OSBPL2: variants seen among roughly 807,000 people sequenced by gnomAD.
The protein encoded by OSBPL2 is oxysterol-binding protein-related protein 2.
Under a neutral mutation model 58.4 loss-of-function variants are expected in OSBPL2, and 18 were observed. The ratio of observed to expected loss-of-function variants is 0.31; its 90% CI spans 0.21 to 0.46. The LOEUF is 0.46. Ranked by LOEUF, OSBPL2 falls within the 20% of genes least tolerant of loss-of-function variation. The pLI is 1.00. For missense variants in OSBPL2, 461 were observed against 616.5 expected (o/e 0.75, Z 2.67); for synonymous variants, 221 against 234.1 (o/e 0.94, Z 0.51).
chr20:62,243,930 C>A (rs1346268823), intron 1 of OSBPL2, among the ~76,000 whole-genome samples: 1 of 151,844 alleles, frequency 6.6e-6, no homozygotes, highest in Non-Finnish European at 1.5e-5. Flanking sequence ...TGAAGCCCTG[C>A]CTGTAGGTGC....
chr20:62,249,279 C>T (rs1368285447), intron 1 of OSBPL2, among the ~76,000 whole-genome samples: 2 of 152,162 alleles, frequency 1.3e-5, no homozygotes, highest in African/African-American at 4.8e-5. Context: ...CAGAGATGCC[C>T]AGCACAGACT....
chr20:62,250,969 A>G (rs1315959874), intron 1 of OSBPL2, among the ~76,000 whole-genome samples: 1 of 152,172 alleles, frequency 6.6e-6, no homozygotes, highest in Non-Finnish European at 1.5e-5. Flanking sequence ...AAAAGGGAGA[A>G]TAAAATGGTT....
chr20:62,252,843 G>A (rs183645743), intron 1 of OSBPL2, among the ~76,000 whole-genome samples: 1 of 152,256 alleles, frequency 6.6e-6, no homozygotes, highest in Admixed American at 6.5e-5. Flanking sequence ...TGAGAGAGAC[G>A]CCTTTAAAGA....
intron 4 of OSBPL2, chr20:62,271,814 G>T (rs1333919455): frequency 9.7e-6 from 3 of 310,090 alleles, no homozygotes; most frequent in South Asian, 5.0e-5. Context: ...GCGCAGGTGG[G>T]CCCAAGAGCC....
At chr20:62,238,860 C>CCGCGGCCCCCGCA (rs1430436514) in intron 1 of OSBPL2, 5 of 150,260 alleles carry the variant, frequency 3.3e-5, no homozygotes, top group Non-Finnish European at 5.9e-5. Flanking sequence ...GGCCTGGGTC[C>CCGCGGCCCCCGCA]CGCGGCCCCC....
At chr20:62,285,643 A>G (rs1983064106) in intron 10 of OSBPL2, 2 of 152,336 alleles carry the variant, frequency 1.3e-5, no homozygotes, top group African/African-American at 4.8e-5. Context: ...GAGAGGCGCC[A>G]TGTGTGTGAA....
Position 62,281,180 on chromosome 20 carries a change from C to T in OSBPL2, c.782+15C>T, listed in dbSNP as rs956505651. 1.1e-5 allele frequency: 17 copies of T among 1,578,896 alleles called. No individual in the cohort carries two copies. In the Admixed American group the frequency reaches 2.7e-4, roughly 25 times the overall value. On this transcript the variant is annotated intron_variant, in intron 8 of 13. Coordinates refer to ENST00000313733, the MANE Select transcript of OSBPL2 (RefSeq NM_144498.4). ...TTAAACCACAGGTGACAGCACCCCACCGTTGGGTGAGAGCGCGAGGCTCCG... is the reference window on the plus strand; with the variant it reads ...TTAAACCACAGGTGACAGCACCCCATCGTTGGGTGAGAGCGCGAGGCTCCG...
intron 2 of OSBPL2, 50 bp downstream of exon 2, chr20:62,256,271 C>G (rs367621092): frequency 6.4e-7 from 1 of 1,560,420 alleles, no homozygotes; most frequent in East Asian, 2.2e-5. Context: ...GTGAACGTCC[C>G]TGGATTCAGA....
In OSBPL2 at chr20:62,273,410, A is replaced by AG. The variant is rs757196123; in HGVS notation, c.491+10dup. On this transcript the variant is annotated splice_donor_region_variant and intron_variant, in intron 6 of 13. Coordinates refer to ENST00000313733, the MANE Select transcript of OSBPL2 (RefSeq NM_144498.4). ...GAGAAACGTATGAATTAATCAGGTA[A>AG]GGGGGGAAAGGCCCATCATAAATAT... The AG allele has an allele frequency of 2.5e-6, 4 of 1,579,968 alleles. No homozygotes were observed. The highest frequency in any genetic ancestry group is 1.8e-5 in the Admixed American group (1 of 55,418).
At chr20:62,239,729 G>A (rs1374988385) in intron 1 of OSBPL2, among the ~76,000 whole-genome samples, 1 of 152,232 alleles carries the variant, frequency 6.6e-6, no homozygotes, top group Non-Finnish European at 1.5e-5. Flanking sequence ...CACATGCTGG[G>A]AAGCCACGGC....
rs1380431256 is a variant in OSBPL2 at position 62,269,577 on chromosome 20, C to T, written c.259-2548C>T. Among the ~76,000 whole-genome samples the T allele has an allele frequency of 1.3e-5, 2 of 152,206 alleles. No individual in the cohort carries two copies. Among genetic ancestry groups the T allele is most frequent in the East Asian group, 1.9e-4 (1 of 5,204 alleles). Reference sequence around the variant, plus strand: ...CCCCATGCTCAGGGCTGCCACCGGCCGCACTTCCCGGCCTCCCTGGTCCCA... The same window carrying T: ...CCCCATGCTCAGGGCTGCCACCGGCTGCACTTCCCGGCCTCCCTGGTCCCA... On this transcript the variant is annotated intron_variant, in intron 4 of 13. Transcript: ENST00000313733. The surrounding 1 kb of genome is among the most constrained non-coding windows in gnomAD (Gnocchi z 4.2).
chr20:62,243,603 C>T (rs919848387), intron 1 of OSBPL2, among the ~76,000 whole-genome samples: 1 of 152,096 alleles, frequency 6.6e-6, no homozygotes, highest in South Asian at 2.1e-4. Flanking sequence ...GGTTCAAGGC[C>T]CAGCCCCAGC....
intron 6 of OSBPL2, among the ~76,000 whole-genome samples, chr20:62,274,055 C>A (rs936237309): frequency 4.6e-5 from 7 of 152,218 alleles, no homozygotes; most frequent in Non-Finnish European, 7.3e-5. Flanking sequence ...GTGGCCCTCA[C>A]CTCACAGACG....
intron 6 of OSBPL2, among the ~76,000 whole-genome samples, chr20:62,274,909 C>T (rs540765627): frequency 8.5e-5 from 13 of 152,286 alleles, no homozygotes; most frequent in African/African-American, 2.6e-4. Context: ...AACAATTAGC[C>T]TCTTATTTGG....
At chr20:62,243,430 C>T (rs1979868887) in intron 1 of OSBPL2, among the ~76,000 whole-genome samples, 1 of 142,744 alleles carries the variant, frequency 7.0e-6, no homozygotes, top group South Asian at 2.1e-4. Flanking sequence ...CTAGCGCCTG[C>T]CCCGCAGCCC....
At chr20:62,282,886 C>T (rs965522312) in intron 9 of OSBPL2, among the ~76,000 whole-genome samples, 1 of 152,220 alleles carries the variant, frequency 6.6e-6, no homozygotes, top group African/African-American at 2.4e-5. Flanking sequence ...ACCAGAAATG[C>T]ACCCGTTTGA....
intron 6 of OSBPL2, 89 bp downstream of exon 6, chr20:62,273,495 C>T: frequency 9.7e-7 from 1 of 1,027,818 alleles, no homozygotes; most frequent in South Asian, 1.4e-5. Context: ...GCATTGATTC[C>T]TCTGCTCTGA....
chr20:62,240,631 C>T (rs1433833067), intron 1 of OSBPL2, among the ~76,000 whole-genome samples: 1 of 152,228 alleles, frequency 6.6e-6, no homozygotes, highest in African/African-American at 2.4e-5. Flanking sequence ...CTACCCTGTA[C>T]TGCCTTTTAA....
intron 6 of OSBPL2, 166 bp from the exon 7 acceptor site, chr20:62,278,991 C>T: frequency 1.7e-6 from 1 of 595,570 alleles, no homozygotes; most frequent in Non-Finnish European, 2.9e-6. Context: ...AACGTTAGGC[C>T]AAGTGCAATG....
Sources: gnomAD v4.1 joint callset for allele counts (sites outside exome capture counted in the v4.1 genomes callset) on GRCh38, gnomAD v4.1.1 for gene constraint, Gnocchi (gnomAD v3.1) non-coding constraint, MANE v1.5 for transcripts, NCBI Gene and HGNC (gene_info 2026-07-23, HGNC 2026-07-21) for gene names.